Variants in SNX29 observed in about 807,000 individuals in gnomAD.
SNX29 encodes the protein sorting nexin 29, also known as sorting nexin-29.
A neutral mutation model predicts 102.1 loss-of-function variants in SNX29; 78 were observed. The ratio of observed to expected loss-of-function variants is 0.76; its 90% CI spans 0.64 to 0.92. The LOEUF (loss-of-function observed/expected upper bound fraction) is 0.92. Ranked by LOEUF, SNX29 falls within the 40% of genes least tolerant of loss-of-function variation. The pLI is 0.00. For synonymous variants in SNX29, 580 were observed against 414.5 expected (o/e 1.40, Z -4.85); for missense variants, 1,280 against 1,061.7 (o/e 1.21, Z -2.86).
intron 13 of SNX29, among the ~76,000 whole-genome samples, chr16:12,132,596 A>G (rs1391919267): frequency 6.6e-6 from 1 of 152,240 alleles, no homozygotes; most frequent in Non-Finnish European, 1.5e-5. Context: ...TGCATATGGC[A>G]GTGGACATGA....
intron 19 of SNX29, among the ~76,000 whole-genome samples, chr16:12,513,464 C>G (rs562544450): frequency 1.1e-4 from 17 of 152,164 alleles, no homozygotes; most frequent in African/African-American, 3.9e-4. Flanking sequence ...TCTGCTCTCT[C>G]CTTCCCTTCC....
intron 20 of SNX29, among the ~76,000 whole-genome samples, chr16:12,566,797 G>A (rs1038380173): frequency 5.3e-5 from 8 of 152,218 alleles, no homozygotes; most frequent in African/African-American, 1.9e-4. Context: ...GGCTGGTTGG[G>A]CTCAGAGATG....
intron 15 of SNX29, among the ~76,000 whole-genome samples, chr16:12,315,673 C>G (rs542874778): frequency 7.2e-4 from 109 of 152,300 alleles, no homozygotes; most frequent in African/African-American, 2.6e-3. Context: ...GCACCTTGAT[C>G]TTGGACTTTG....
chr16:12,565,490 T>TCCA (rs1409505838), intron 20 of SNX29, among the ~76,000 whole-genome samples: 1 of 152,098 alleles, frequency 6.6e-6, no homozygotes, highest in Non-Finnish European at 1.5e-5. Context: ...CACCCCTGCC[T>TCCA]CCAAGCCTGT....
At chr16:12,148,504 A>G (rs1488462101) in intron 13 of SNX29, among the ~76,000 whole-genome samples, 1 of 151,938 alleles carries the variant, frequency 6.6e-6, no homozygotes, top group Admixed American at 6.6e-5. Flanking sequence ...TTTTTCACTC[A>G]TTTGTACCTC....
chr16:12,417,559 C>T (rs1280804089), intron 18 of SNX29, among the ~76,000 whole-genome samples: 1 of 151,970 alleles, frequency 6.6e-6, no homozygotes, highest in East Asian at 1.9e-4. Context: ...TTTTCTCTTT[C>T]TGTTTCCCTC....
At chr16:12,373,842 A>G (rs1032226894) in intron 16 of SNX29, 1 of 152,228 alleles carries the variant, frequency 6.6e-6, no homozygotes, top group Non-Finnish European at 1.5e-5. Flanking sequence ...TTGTCTCAAG[A>G]TGGTCAACAC....
intron 15 of SNX29, among the ~76,000 whole-genome samples, chr16:12,332,076 TAAAG>T (rs1464204824): frequency 1.1e-4 from 17 of 151,996 alleles, no homozygotes; most frequent in Admixed American, 2.0e-4. Context: ...ATAATAATAA[TAAAG>T]AAATAATTTA....
chr16:12,564,576 AGAC>A (rs1567214096), intron 20 of SNX29, among the ~76,000 whole-genome samples: 1 of 152,208 alleles, frequency 6.6e-6, no homozygotes, highest in Non-Finnish European at 1.5e-5. Flanking sequence ...ATTGCCATCC[AGAC>A]GCCCCTTTTT....
chr16:12,071,616 T>C (rs1784782166), intron 10 of SNX29, among the ~76,000 whole-genome samples: 1 of 152,220 alleles, frequency 6.6e-6, no homozygotes, highest in Non-Finnish European at 1.5e-5. Context: ...TGCCTCCAGC[T>C]TTGTTCTTTT....
At chr16:12,099,960 G>T (rs2052940793) in intron 11 of SNX29, among the ~76,000 whole-genome samples, 2 of 151,908 alleles carry the variant, frequency 1.3e-5, no homozygotes, top group Non-Finnish European at 2.9e-5. Context: ...CTCAGTACTG[G>T]ACATGGATTT....
chr16:12,116,568 GGAGGCT>G (rs148252794), intron 11 of SNX29, among the ~76,000 whole-genome samples: 7,659 of 152,242 alleles, frequency 0.05, 210 homozygotes, highest in Middle Eastern at 0.062. Flanking sequence ...CAGGTACTTG[GGAGGCT>G]GAGGCATGAG....
At chr16:12,427,783 G>C (rs183687842) in intron 18 of SNX29, among the ~76,000 whole-genome samples, 6 of 152,344 alleles carry the variant, frequency 3.9e-5, no homozygotes, top group Admixed American at 3.9e-4. Context: ...TGTTGACACA[G>C]AGCCCTGATG....
At chr16:11,998,383 A>C (rs2056166309) in intron 1 of SNX29, among the ~76,000 whole-genome samples, 1 of 152,110 alleles carries the variant, frequency 6.6e-6, no homozygotes, top group Admixed American at 6.5e-5. Flanking sequence ...AGACCTTCCT[A>C]AATGGAAGTT....
At chr16:12,066,230 C>G (rs1170158286) in intron 9 of SNX29, among the ~76,000 whole-genome samples, 1 of 152,170 alleles carries the variant, frequency 6.6e-6, no homozygotes, top group Non-Finnish European at 1.5e-5. Flanking sequence ...GCAAGGATGA[C>G]AGGGAACTGG....
intron 19 of SNX29, among the ~76,000 whole-genome samples, chr16:12,500,358 A>G (rs1006668557): frequency 6.6e-6 from 1 of 152,172 alleles, no homozygotes; most frequent in African/African-American, 2.4e-5. Context: ...CCAATAACTG[A>G]GGACCACCCA....
chr16:12,125,666 C>T (rs976397994), intron 11 of SNX29, among the ~76,000 whole-genome samples: 2 of 119,986 alleles, frequency 1.7e-5, no homozygotes, highest in Admixed American at 1.1e-4. Flanking sequence ...CTATGTCGAC[C>T]AGGCTGGTCC....
Position 12,162,891 on chromosome 16 carries a change from C to T in SNX29, c.1595+33133C>T, listed in dbSNP as rs980628551. ...ACAACATAGTTGTTGCTTTGTTTTT[C>T]TTTTTTTTTTGAGACAGTCTCACTC... On this transcript the variant is annotated intron_variant, in intron 13 of 20. Coordinates refer to ENST00000566228, the MANE Select transcript of SNX29 (RefSeq NM_032167.5). Among the ~76,000 whole-genome samples, 6 of 149,242 alleles carry T rather than the reference C, an allele frequency of 4.0e-5. No individual in the cohort carries two copies. The South Asian group carries it at 1.3e-3, about 32-fold the overall frequency.
chr16:12,273,538 T>C (rs1567383652), intron 14 of SNX29, among the ~76,000 whole-genome samples: 1 of 152,070 alleles, frequency 6.6e-6, no homozygotes, highest in Non-Finnish European at 1.5e-5. Flanking sequence ...TTTGTATTTT[T>C]AGTAGAGACA....
Sources: gnomAD v4.1 joint callset for allele counts (sites outside exome capture counted in the v4.1 genomes callset) on GRCh38, gnomAD v4.1.1 for gene constraint, MANE v1.5 for transcripts, NCBI Gene and HGNC (gene_info 2026-07-23, HGNC 2026-07-21) for gene names.